ARNT2: variants seen among roughly 807,000 people sequenced by gnomAD.
ARNT2 encodes the protein aryl hydrocarbon receptor nuclear translocator 2.
Under a neutral mutation model 91.7 loss-of-function variants are expected in ARNT2, and 36 were observed. That is an observed-to-expected ratio of 0.39 (90% confidence interval 0.30 to 0.52). The LOEUF is 0.52. ARNT2 is among the 20% of genes least tolerant of loss of function. The pLI is 0.72. For missense variants in ARNT2, 775 were observed against 939.3 expected (o/e 0.83, Z 2.29); for synonymous variants, 365 against 347.1 (o/e 1.05, Z -0.57).
intron 1 of ARNT2, among the ~76,000 whole-genome samples, chr15:80,420,788 G>C (rs1314502267): frequency 1.3e-5 from 2 of 152,082 alleles, no homozygotes; most frequent in Non-Finnish European, 2.9e-5. Context: ...AGATGAGATG[G>C]TAAGAACGTA....
chr15:80,575,287 C>T (rs994220910), intron 14 of ARNT2, among the ~76,000 whole-genome samples, 177 bp downstream of exon 14: 11 of 152,196 alleles, frequency 7.2e-5, no homozygotes, highest in African/African-American at 2.4e-4. Context: ...GGCCTTGCCT[C>T]TGTATACCAG....
At chr15:80,486,791 G>A (rs571560148) in intron 5 of ARNT2, among the ~76,000 whole-genome samples, 10 of 152,354 alleles carry the variant, frequency 6.6e-5, no homozygotes, top group African/African-American at 1.9e-4. Flanking sequence ...TATGCAGTGA[G>A]TCAGCAGAGG....
intron 12 of ARNT2, among the ~76,000 whole-genome samples, chr15:80,568,254 A>G (rs1185936192): frequency 6.6e-6 from 1 of 152,086 alleles, no homozygotes; most frequent in Non-Finnish European, 1.5e-5. Flanking sequence ...GCTGTTTGTT[A>G]GCTTGAGTCA....
At chr15:80,580,795 G>T (rs1898781603) in intron 16 of ARNT2, among the ~76,000 whole-genome samples, 1 of 152,214 alleles carries the variant, frequency 6.6e-6, no homozygotes, top group South Asian at 2.1e-4. Context: ...GGCAGGGAAA[G>T]GTTGGGCAGG....
chr15:80,559,213 C>T (rs1002911544), intron 11 of ARNT2, among the ~76,000 whole-genome samples: 3 of 152,252 alleles, frequency 2.0e-5, no homozygotes, highest in Non-Finnish European at 4.4e-5. Context: ...AGGAATTTAA[C>T]ATCTGATCCC....
At chr15:80,439,544 A>T (rs1360704911) in intron 1 of ARNT2, among the ~76,000 whole-genome samples, 1 of 152,228 alleles carries the variant, frequency 6.6e-6, no homozygotes, top group East Asian at 1.9e-4. Flanking sequence ...GCATTTTCCT[A>T]TAACATTATC....
chr15:80,563,628 G>A (rs1898413403), intron 12 of ARNT2, among the ~76,000 whole-genome samples: 1 of 152,176 alleles, frequency 6.6e-6, no homozygotes, highest in Non-Finnish European at 1.5e-5. Context: ...TACCGAAGCC[G>A]GGGGTGGAGG....
intron 3 of ARNT2, among the ~76,000 whole-genome samples, chr15:80,469,180 C>T (rs1301318004): frequency 2.6e-5 from 4 of 152,208 alleles, no homozygotes; most frequent in Admixed American, 2.0e-4. Context: ...TTGGCTGTGA[C>T]TCCTTCAAGC....
chr15:80,404,637 G>A lies in ARNT2; in HGVS notation c.31+91G>A, dbSNP rs1029680533. 4 of 882,504 alleles carry A rather than the reference G, an allele frequency of 4.5e-6. No homozygotes were observed. The highest frequency in any genetic ancestry group is 3.6e-5 in the African/African-American group (2 of 54,846). 54.7% of individuals were successfully genotyped at this position (882,504 alleles called of 1,614,324 possible). On this transcript the variant is annotated intron_variant, in intron 1 of 18. Transcript: ENST00000303329. The surrounding 1 kb of genome is among the most constrained non-coding windows in gnomAD (Gnocchi z 5.5). ...CCAGGCGCGCCGGGCGCCCCCGGGG[G>A]CGCGGAGCCGCAGCTCGGCGCGGTG... is the stretch of plus-strand genomic sequence containing the variant.
chr15:80,458,119 G>A, intron 3 of ARNT2, 143 bp downstream of exon 3: 2 of 825,808 alleles, frequency 2.4e-6, no homozygotes, highest in Non-Finnish European at 3.8e-6. Flanking sequence ...GGCAGTATTT[G>A]GCCCAGTGGC....
At position 80,450,925 on chromosome 15, in the gene ARNT2, C is replaced by A. The variant is rs747921990; in HGVS notation, c.77C>A (p.Pro26His). The stretch of plus-strand genomic sequence containing the variant: ...GGATCTGTGACGTTGCCCGTTGCCC[C>A]CATGGCGGCCACCGGACAGGTGAGG... Reference protein sequence around the residue: ...IPGSVTLPVAPMAATGQVRMA... With the variant: ...IPGSVTLPVAHMAATGQVRMA... The change falls in exon 2 of 19, where the codon CCC becomes CAC. Residue 26 changes from proline to histidine, a missense_variant. Pro to His is a moderately conservative substitution (Grantham distance 77). This residue lies in a region of ARNT2 where 79 missense variants were observed against 83.8 expected (regional missense o/e 0.94). Transcript: ENST00000303329. The A allele has an allele frequency of 2.5e-6, 4 of 1,614,212 alleles. No individual in the cohort carries two copies. The East Asian group carries it at 6.7e-5, about 27-fold the overall frequency.
intron 8 of ARNT2, among the ~76,000 whole-genome samples, chr15:80,549,711 G>C (rs1209345025): frequency 6.6e-6 from 1 of 152,140 alleles, no homozygotes; most frequent in East Asian, 1.9e-4. Context: ...ACATTCTGTT[G>C]GCCAAGACTC....
chr15:80,488,440 C>A (rs1897006601), intron 5 of ARNT2: 1 of 152,004 alleles, frequency 6.6e-6, no homozygotes, highest in Admixed American at 6.5e-5. Flanking sequence ...CAAGGCATAC[C>A]CAAGTGACGC....
intron 1 of ARNT2, among the ~76,000 whole-genome samples, chr15:80,405,080 G>C (rs1895579824): frequency 6.6e-6 from 1 of 152,160 alleles, no homozygotes; most frequent in South Asian, 2.1e-4. Flanking sequence ...TAACCCTCCG[G>C]GGGCACAAAA....
chr15:80,418,210 C>T (rs1274752548), intron 1 of ARNT2, among the ~76,000 whole-genome samples: 1 of 152,204 alleles, frequency 6.6e-6, no homozygotes, highest in Non-Finnish European at 1.5e-5. Context: ...CAGCAAGCCC[C>T]ATCTTCCCTG....
intron 1 of ARNT2, among the ~76,000 whole-genome samples, chr15:80,448,277 T>G (rs1265749946): frequency 1.3e-5 from 2 of 152,244 alleles, no homozygotes; most frequent in African/African-American, 4.8e-5. Context: ...TTTTACCTCA[T>G]GATAGGTCAT....
rs890659757 is a variant in ARNT2, at chr15:80,422,794, C to T, written c.31+18248C>T. 1.2e-4 allele frequency among the ~76,000 whole-genome samples: 19 copies of T among 152,086 alleles called. 1 individual carries two copies. Among genetic ancestry groups the T allele is most frequent in the Admixed American group, 7.2e-4 (11 of 15,286 alleles). On this transcript the variant is annotated intron_variant, in intron 1 of 18. Transcript: ENST00000303329. ...TAAGGCATATAGAGTATACAACCAC[C>T]AACATGTGATATTATTCATATTAAA...
At chr15:80,434,244 C>T (rs913900363) in intron 1 of ARNT2, 1 of 152,174 alleles carries the variant, frequency 6.6e-6, no homozygotes, top group Non-Finnish European at 1.5e-5. Context: ...ATAAATTTTT[C>T]CTCTGAGGAT....
intron 5 of ARNT2, among the ~76,000 whole-genome samples, chr15:80,479,424 C>T (rs1052032078): frequency 5.9e-5 from 9 of 152,136 alleles, no homozygotes; most frequent in African/African-American, 2.2e-4. Flanking sequence ...TGGAATTTAT[C>T]CACATGGAGA....
Sources: gnomAD v4.1 joint callset for allele counts (sites outside exome capture counted in the v4.1 genomes callset) on GRCh38, gnomAD v4.1.1 for gene constraint, gnomAD v4.1.1 regional missense constraint, Gnocchi (gnomAD v3.1) non-coding constraint, MANE v1.5 for transcripts, NCBI Gene and HGNC (gene_info 2026-07-23, HGNC 2026-07-21) for gene names.